The following RIPK3 variants were observed in gnomAD, a reference collection of about 807,000 sequenced individuals.
RIPK3 encodes the protein receptor-interacting serine/threonine-protein kinase 3.
Under a neutral mutation model 51.6 loss-of-function variants are expected in RIPK3, and 51 were observed. The ratio of observed to expected loss-of-function variants is 0.99; its 90% CI spans 0.79 to 1.25. The LOEUF is 1.25. Among genes scored for constraint, RIPK3 ranks in the 50% most tolerant of loss-of-function variants. The pLI, the probability that RIPK3 is intolerant of heterozygous loss-of-function variation, is 0.00. For synonymous variants in RIPK3, 246 were observed against 257.7 expected (o/e 0.95, Z 0.44); for missense variants, 654 against 650.4 (o/e 1.01, Z -0.06).
chr14:24,339,841 C>A lies in RIPK3; in HGVS notation c.-15G>T. 1 of 1,555,110 alleles carries A rather than the reference C, an allele frequency of 6.4e-7. No homozygotes were observed. Among genetic ancestry groups the A allele is most frequent in the South Asian group, 1.2e-5 (1 of 80,942 alleles). Reference sequence around the variant, plus strand: ...ACGCACGACATCAGGCTGGAAGGTGCCAGGGGGCCTCTGGAAATTGCGAGC... The same window carrying A: ...ACGCACGACATCAGGCTGGAAGGTGACAGGGGGCCTCTGGAAATTGCGAGC... On this transcript the variant is annotated 5_prime_UTR_variant, in exon 1 of 10. Transcript: ENST00000216274. The surrounding 1 kb of genome is among the most constrained non-coding windows in gnomAD (Gnocchi z 4.0).
rs200189045 is a variant in RIPK3, at chr14:24,338,624, CA to C, written c.472-58del. 1.1e-3 allele frequency: 1,670 copies of C among 1,548,804 alleles called. 17 individuals carry two copies. The African/African-American group carries it at 0.018, about 17-fold the overall frequency. On this transcript the variant is annotated intron_variant, in intron 3 of 9. Transcript: ENST00000216274. ...GAAGACAAGGGGGCCAGAGAGCCTC[CA>C]GGAACCCCCCTGCCCCCAGAAGGTG... is the stretch of plus-strand genomic sequence containing the variant.
At position 24,339,373 on chromosome 14, in the gene RIPK3, C is replaced by T. The variant is rs1308481747; in HGVS notation, c.162-49G>A. On this transcript the variant is annotated intron_variant, in intron 2 of 9. Transcript: ENST00000216274. The surrounding 1 kb of genome is among the most constrained non-coding windows in gnomAD (Gnocchi z 4.0). ...GTCGCACCGGGGTCGTGGGAAAATC[C>T]CTCCCTTCGCCATTCAGGCCCCAGA... 1.2e-6 allele frequency: 2 copies of T among 1,608,192 alleles called. No homozygotes were observed. Among genetic ancestry groups the T allele is most frequent in the Non-Finnish European group, 1.7e-6 (2 of 1,175,688 alleles).
chr14:24,336,047 A>T lies in RIPK3; in HGVS notation c.*128T>A. 1 of 893,882 alleles carries T rather than the reference A, an allele frequency of 1.1e-6. No homozygotes were observed. Among genetic ancestry groups the T allele is most frequent in the Non-Finnish European group, 1.7e-6 (1 of 601,780 alleles). The allele number at this position is 893,882 out of a possible 1,614,324, so 55.4% of individuals were successfully genotyped here. A position where few individuals can be genotyped will look rare whatever the true frequency, so the allele number is the denominator to read the frequency against. ...GACTAGCATTCCATCATGTTTATTG[A>T]CTCCTGGGGGACAGGTCACAAAGTC... On this transcript the variant is annotated 3_prime_UTR_variant, in exon 10 of 10. Coordinates refer to ENST00000216274, the MANE Select transcript of RIPK3 (RefSeq NM_006871.4).
intron 3 of RIPK3, 28 bp from the exon 4 acceptor site, chr14:24,338,595 T>C (rs1336428255): frequency 1.3e-6 from 2 of 1,580,752 alleles, no homozygotes; most frequent in Admixed American, 1.7e-5. Flanking sequence ...AAGTGGGAGG[T>C]AGGGAAGACA....
rs759209340 is a variant in RIPK3 at position 24,336,942 on chromosome 14, C to T, written c.1279G>A (p.Ala427Thr). 2.5e-6 allele frequency: 4 copies of T among 1,613,824 alleles called. No homozygotes were observed. Among genetic ancestry groups the T allele is most frequent in the Admixed American group, 1.7e-5 (1 of 60,020 alleles). The change falls in exon 9 of 10, where the codon GCT becomes ACT. Residue 427 changes from alanine (A) to threonine (T), a missense_variant. By Grantham distance (58) the Ala-to-Thr change is moderately conservative (BLOSUM62 0). Coordinates refer to ENST00000216274, the MANE Select transcript of RIPK3 (RefSeq NM_006871.4). ...GACCAGTTCATGCCTTGTCTCTCAGCCCCCTGCAAACAGCACAGAGCATCC... is the reference window on the plus strand; with the variant it reads ...GACCAGTTCATGCCTTGTCTCTCAGTCCCCTGCAAACAGCACAGAGCATCC... ...PSPGPRGNQG[A>T]ERQGMNWSCR...
In RIPK3 at chr14:24,339,037, A is replaced by G. The variant is rs376305929; in HGVS notation, c.449T>C (p.Leu150Pro). 5 of 1,614,052 alleles carry G rather than the reference A, an allele frequency of 3.1e-6. No individual in the cohort carries two copies. The African/African-American group carries it at 6.7e-5, about 22-fold the overall frequency. Reference protein sequence around the residue: ...HRDLKPSNVLLDPELHVKLAD... With the variant: ...HRDLKPSNVLPDPELHVKLAD... ...GACCTTGACGTGCAGCTCTGGGTCC[A>G]GCAGGACGTTGGATGGCTTGAGGTC... is the stretch of plus-strand genomic sequence containing the variant. Residue 150 changes from leucine (L) to proline (P), a missense_variant, in exon 3 of 10, where the codon CTG (leucine) becomes CCG (proline). Coordinates refer to ENST00000216274, the MANE Select transcript of RIPK3 (RefSeq NM_006871.4). The surrounding 1 kb of genome is among the most constrained non-coding windows in gnomAD (Gnocchi z 4.0).
At chr14:24,337,813 G>A in intron 6 of RIPK3, 51 bp from the exon 7 acceptor site, 1 of 1,613,674 alleles carries the variant, frequency 6.2e-7, no homozygotes, top group Non-Finnish European at 8.5e-7. Context: ...CTTTTCCTGA[G>A]AAAAGCCCCC....
In RIPK3 at chr14:24,336,321, T is replaced by C. The variant is rs760600886; in HGVS notation, c.1411A>G (p.Thr471Ala). The C allele has an allele frequency of 6.2e-7, 1 of 1,613,422 alleles. No homozygotes were observed. Among genetic ancestry groups the C allele is most frequent in the South Asian group, 1.1e-5 (1 of 91,080 alleles). ...GDNNYLTMQQ[T>A]TALPTWGLAP... The stretch of plus-strand genomic sequence containing the variant: ...AAGCCCCATGTGGGCAAGGCAGTTG[T>C]CTGTTGCATAGTCAAGTAGTTGTTG... The change falls in exon 10 of 10, where the codon ACA (threonine) becomes GCA (alanine). Residue 471 changes from threonine to alanine, a missense_variant. Thr to Ala is a moderately conservative substitution (Grantham distance 58, BLOSUM62 0). Transcript: ENST00000216274.
In RIPK3 at chr14:24,336,168, A is replaced by T. The variant is rs752403731; in HGVS notation, c.*7T>A. 3 of 1,608,980 alleles carry T rather than the reference A, an allele frequency of 1.9e-6. No individual in the cohort carries two copies. The highest frequency in any genetic ancestry group is 2.5e-6 in the Non-Finnish European group (3 of 1,177,044). ...CGTAACTCTTGGAGGCAAGCTTGGA[A>T]GGTGCTTTATTTCCCGCTATGATTA... On this transcript the variant is annotated 3_prime_UTR_variant, in exon 10 of 10. Transcript: ENST00000216274.
Position 24,339,333 on chromosome 14 carries a change from C to T in RIPK3, c.162-9G>A. 1.2e-6 allele frequency: 2 copies of T among 1,609,696 alleles called. No homozygotes were observed. The highest frequency in any genetic ancestry group is 1.7e-6 in the Non-Finnish European group (2 of 1,176,732). On this transcript the variant is annotated splice_polypyrimidine_tract_variant and intron_variant, in intron 2 of 9. Transcript: ENST00000216274. The surrounding 1 kb of genome is among the most constrained non-coding windows in gnomAD (Gnocchi z 4.0). ...CCCTGGATATCGCCTTCCTACACTC[C>T]AGGAGAGAGCTGGAGTCGCACCGGG...
rs1188040564 is a variant in RIPK3, at chr14:24,336,389, G to A, written c.1343C>T (p.Pro448Leu). 14 of 1,613,084 alleles carry A rather than the reference G, an allele frequency of 8.7e-6. No individual in the cohort carries two copies. The highest frequency in any genetic ancestry group is 6.7e-5 in the Admixed American group (4 of 59,966). ...AGAGCAGTTGTATATGTTAACGAGC[G>A]GTCGCCCTTTAAGAGAAATAGTGAT... is the stretch of plus-strand genomic sequence containing the variant. ...TPEPNPVTGR[P>L]LVNIYNCSGV... The change falls in exon 10 of 10, where the codon CCG becomes CTG. Residue 448 changes from proline to leucine, a missense_variant. Pro to Leu is a moderately conservative substitution (Grantham distance 98). Transcript: ENST00000216274.
chr14:24,338,489 C>T lies in RIPK3; in HGVS notation c.550G>A (p.Gly184Ser). 1 of 1,613,810 alleles carries T rather than the reference C, an allele frequency of 6.2e-7. No homozygotes were observed. The highest frequency in any genetic ancestry group is 8.5e-7 in the Non-Finnish European group (1 of 1,179,774). The stretch of plus-strand genomic sequence containing the variant: ...ACAAACAGTTCTGGGGCCAAGTAGC[C>T]CAGGGTGCCCCCTGGCTCCCCGGAC... ...TGSGEPGGTL[G>S]YLAPELFVNV... Residue 184 changes from glycine (G) to serine (S), a missense_variant, in exon 4 of 10, where the codon GGC becomes AGC. Gly to Ser is a moderately conservative substitution (Grantham distance 56). Coordinates refer to ENST00000216274, the MANE Select transcript of RIPK3 (RefSeq NM_006871.4).
rs1329590331 is a variant in RIPK3 at position 24,336,204 on chromosome 14, G to A, written c.1528C>T (p.Gln510Ter). 1 of 1,613,970 alleles carries A rather than the reference G, an allele frequency of 6.2e-7. No homozygotes were observed. Among genetic ancestry groups the A allele is most frequent in the South Asian group, 1.1e-5 (1 of 91,072 alleles). ...PKDPEAWSRP[Q>*]GWYNHSGK ...TTCCCGCTATGATTATACCAACCCT[G>A]TGGCCTGCTCCAGGCTTCAGGATCT... The change falls in exon 10 of 10, where the codon CAG (glutamine) becomes TAG (stop). Residue 510 changes from glutamine (Q) to a stop codon, truncating the protein, a stop_gained. Transcript: ENST00000216274. LOFTEE classifies it low-confidence loss of function (END_TRUNC).
At chr14:24,337,549 C>A (rs1166668767) in intron 7 of RIPK3, 89 bp from the exon 8 acceptor site, 2 of 1,609,018 alleles carry the variant, frequency 1.2e-6, no homozygotes, top group Admixed American at 3.3e-5. Context: ...AATCTGTTGT[C>A]TGGGAACTCA....
intron 7 of RIPK3, 80 bp from the exon 8 acceptor site, chr14:24,337,540 A>G: frequency 6.2e-7 from 1 of 1,610,798 alleles, no homozygotes; most frequent in Non-Finnish European, 8.5e-7. Flanking sequence ...TCGGTCCATA[A>G]TCTGTTGTCT....
chr14:24,336,565 A>T (rs1263383611), intron 9 of RIPK3, 170 bp from the exon 10 acceptor site: 4 of 979,104 alleles, frequency 4.1e-6, no homozygotes, highest in Non-Finnish European at 4.4e-6. Context: ...AGCTCTAGAG[A>T]GTGGCAATTG....
Position 24,339,973 on chromosome 14 carries a change from G to A in RIPK3, c.-147C>T. On this transcript the variant is annotated 5_prime_UTR_variant, in exon 1 of 10. Coordinates refer to ENST00000216274, the MANE Select transcript of RIPK3 (RefSeq NM_006871.4). This position sits in a 1 kb window ranked among gnomAD's most constrained non-coding sequence, Gnocchi z 4.0. ...GACCAAGACGGTGAGTCTACTTTCC[G>A]GGTTGTTACCCTTTTTCCGAGTTGA... The A allele has an allele frequency of 1.2e-6, 1 of 814,120 alleles. No homozygotes were observed. Among genetic ancestry groups the A allele is most frequent in the East Asian group, 2.9e-5 (1 of 34,108 alleles). 50.4% of individuals were successfully genotyped at this position (814,120 alleles called of 1,614,324 possible).
chr14:24,338,497 C>T lies in RIPK3; in HGVS notation c.542G>A (p.Gly181Asp), dbSNP rs1294332232. ...TTCTGGGGCCAAGTAGCCCAGGGTG[C>T]CCCCTGGCTCCCCGGACCCTGTCCC... The part of the protein sequence containing the change: ...QSGTGSGEPG[G>D]TLGYLAPELF... The change falls in exon 4 of 10, where the codon GGC (glycine) becomes GAC (aspartate). Residue 181 changes from glycine (G) to aspartate (D), a missense_variant. Coordinates refer to ENST00000216274, the MANE Select transcript of RIPK3 (RefSeq NM_006871.4). 4 of 1,613,524 alleles carry T rather than the reference C, an allele frequency of 2.5e-6. No homozygotes were observed. Among genetic ancestry groups the T allele is most frequent in the Non-Finnish European group, 3.4e-6 (4 of 1,179,522 alleles).
Position 24,339,083 on chromosome 14 carries a change from T to G in RIPK3, c.403A>C (p.Asn135His). ...VLGMFYLHDQ[N>H]PVLLHRDLKP... Reference sequence around the variant, plus strand: ...AGGTCCCGGTGCAGGAGCACCGGGTTCTGGTCGTGCAGGTAAAACATCCCA... The same window carrying G: ...AGGTCCCGGTGCAGGAGCACCGGGTGCTGGTCGTGCAGGTAAAACATCCCA... The change falls in exon 3 of 10, where the codon AAC (asparagine) becomes CAC (histidine). Residue 135 changes from asparagine to histidine, a missense_variant. Coordinates refer to ENST00000216274, the MANE Select transcript of RIPK3 (RefSeq NM_006871.4). The surrounding 1 kb of genome is among the most constrained non-coding windows in gnomAD (Gnocchi z 4.0). The G allele has an allele frequency of 6.2e-7, 1 of 1,614,170 alleles. No homozygotes were observed. The highest frequency in any genetic ancestry group is 8.5e-7 in the Non-Finnish European group (1 of 1,180,026).
Sources: gnomAD v4.1 joint callset for allele counts on GRCh38, gnomAD v4.1.1 for gene constraint, Gnocchi (gnomAD v3.1) non-coding constraint, MANE v1.5 for transcripts, NCBI Gene and HGNC (gene_info 2026-07-23, HGNC 2026-07-21) for gene names.